CTNNBIP1: variants seen among roughly 807,000 people sequenced by gnomAD.
The protein encoded by CTNNBIP1 is catenin beta interacting protein 1.
CTNNBIP1 carries 7 observed loss-of-function variants against 11.8 expected under a neutral mutation model. The ratio of observed to expected loss-of-function variants is 0.60; its 90% CI spans 0.34 to 1.12. The LOEUF is 1.12. Among genes scored for constraint, CTNNBIP1 ranks in the 50% most tolerant of loss-of-function variants. The pLI, the probability that CTNNBIP1 is intolerant of heterozygous loss-of-function variation, is 0.03. For missense variants in CTNNBIP1, 101 were observed against 113.4 expected, an observed-to-expected ratio of 0.89 and a Z score of 0.50; for synonymous variants, 58 against 43.9, an observed-to-expected ratio of 1.32 and a Z score of -1.26.
Position 9,878,522 on chromosome 1 carries a change from C to T in CTNNBIP1, c.-109-533G>A, listed in dbSNP as rs186083759. Among the ~76,000 whole-genome samples, 214 of 152,352 alleles carry T rather than the reference C, an allele frequency of 1.4e-3. 1 individual carries two copies. Among genetic ancestry groups the T allele is most frequent in the Non-Finnish European group, 2.4e-3 (160 of 68,028 alleles). On this transcript the variant is annotated intron_variant, in intron 2 of 5. Transcript: ENST00000377263. ...TCAACTAACACACATGCTAGAAACA[C>T]ACGAAAAGCACAGTCGCAGCTTGTT...
chr1:9,890,377 G>C (rs944518482), intron 1 of CTNNBIP1, among the ~76,000 whole-genome samples: 1 of 152,154 alleles, frequency 6.6e-6, no homozygotes, highest in African/African-American at 2.4e-5. Flanking sequence ...CTGCACAGTG[G>C]GGGGACAAGG....
intron 1 of CTNNBIP1, among the ~76,000 whole-genome samples, chr1:9,891,781 A>ATTTT (rs70998316): frequency 2.5e-4 from 20 of 81,410 alleles, no homozygotes; most frequent in Non-Finnish European, 3.8e-4. Flanking sequence ...ATCTCTTTAA[A>ATTTT]TTTTTTTTTT....
At chr1:9,855,273 T>G (rs922104132) in intron 5 of CTNNBIP1, among the ~76,000 whole-genome samples, 44 of 150,072 alleles carry the variant, frequency 2.9e-4, no homozygotes, top group African/African-American at 1.0e-3. Context: ...TTTTTTTTTT[T>G]GTAGAAATTG....
At chr1:9,861,311 G>C (rs1224432727) in intron 5 of CTNNBIP1, among the ~76,000 whole-genome samples, 1 of 152,216 alleles carries the variant, frequency 6.6e-6, no homozygotes, top group Non-Finnish European at 1.5e-5. Flanking sequence ...TTCTGAAGGG[G>C]ACAAAACTCA....
At chr1:9,909,945 C>G (rs1317450218) in intron 1 of CTNNBIP1, 150 bp downstream of exon 1, 1 of 151,842 alleles carries the variant, frequency 6.6e-6, no homozygotes, top group Non-Finnish European at 1.5e-5. Context: ...CAGGGCGCCG[C>G]GCCGCTGGGG....
At chr1:9,899,752 C>T (rs1341812068) in intron 1 of CTNNBIP1, among the ~76,000 whole-genome samples, 1 of 146,698 alleles carries the variant, frequency 6.8e-6, no homozygotes, top group Non-Finnish European at 1.5e-5. Context: ...AGCAAGGCTC[C>T]GTCTCAAAAA....
At chr1:9,855,778 A>G (rs1046214078) in intron 5 of CTNNBIP1, among the ~76,000 whole-genome samples, 25 of 147,034 alleles carry the variant, frequency 1.7e-4, no homozygotes, top group Middle Eastern at 3.2e-3. Flanking sequence ...CGCAGGCTAG[A>G]GTGCAGTGGT....
At chr1:9,858,153 C>T (rs1162123938) in intron 5 of CTNNBIP1, among the ~76,000 whole-genome samples, 1 of 152,174 alleles carries the variant, frequency 6.6e-6, no homozygotes, top group Non-Finnish European at 1.5e-5. Flanking sequence ...CCACTTCTGC[C>T]ACCACCACCC....
In CTNNBIP1 at chr1:9,850,743, G is replaced by A. The variant is rs781187269; in HGVS notation, c.221C>T (p.Ser74Leu). 3.7e-6 allele frequency: 6 copies of A among 1,613,886 alleles called. No individual in the cohort carries two copies. The highest frequency in any genetic ancestry group is 3.4e-6 in the Non-Finnish European group (4 of 1,179,862). ...CTACTGCCTCCGGTCTTCCGTCTCCGACCTGGAAAACGCCATCACCACGTC... is the reference window on the plus strand; with the variant it reads ...CTACTGCCTCCGGTCTTCCGTCTCCAACCTGGAAAACGCCATCACCACGTC... ...AEDVVMAFSR[S>L]ETEDRRQ The change falls in exon 6 of 6, where the codon TCG becomes TTG. Residue 74 changes from serine (S) to leucine (L), a missense_variant. Transcript: ENST00000377263.
chr1:9,898,459 G>C (rs548626291), intron 1 of CTNNBIP1, among the ~76,000 whole-genome samples: 1 of 152,306 alleles, frequency 6.6e-6, no homozygotes, highest in East Asian at 1.9e-4. Context: ...GGGAGTCGGA[G>C]GTTGCAGTGA....
chr1:9,857,555 CT>C (rs1198034405), intron 5 of CTNNBIP1, among the ~76,000 whole-genome samples: 3 of 151,530 alleles, frequency 2.0e-5, no homozygotes, highest in African/African-American at 7.3e-5. Context: ...TTTGTCTGCA[CT>C]TTGGGAGGCC....
chr1:9,858,923 T>C (rs1304849911), intron 5 of CTNNBIP1, among the ~76,000 whole-genome samples: 1 of 152,020 alleles, frequency 6.6e-6, no homozygotes, highest in African/African-American at 2.4e-5. Context: ...ACCACAGACC[T>C]CTCCAGTCAC....
Position 9,872,160 on chromosome 1 carries a change from G to A in CTNNBIP1, c.-24-72C>T. 1.1e-6 allele frequency: 1 copy of A among 925,420 alleles called. No individual in the cohort carries two copies. Among genetic ancestry groups the A allele is most frequent in the Non-Finnish European group, 1.7e-6 (1 of 577,248 alleles). 57.3% of individuals were successfully genotyped at this position (925,420 alleles called of 1,614,324 possible). On this transcript the variant is annotated intron_variant, in intron 3 of 5. Coordinates refer to ENST00000377263, the MANE Select transcript of CTNNBIP1 (RefSeq NM_020248.3). The surrounding 1 kb of genome is among the most constrained non-coding windows in gnomAD (Gnocchi z 4.0). ...CATACTGGGACAATGACACCTGCTA[G>A]TGACCCTCACTCCTCCCAGGAGCCG...
chr1:9,908,072 C>T (rs1286848174), intron 1 of CTNNBIP1, among the ~76,000 whole-genome samples: 1 of 152,172 alleles, frequency 6.6e-6, no homozygotes, highest in African/African-American at 2.4e-5. Flanking sequence ...TCTCCACCCC[C>T]GCCCAAGACG....
chr1:9,891,078 A>G (rs1316809397), intron 1 of CTNNBIP1, among the ~76,000 whole-genome samples: 1 of 151,992 alleles, frequency 6.6e-6, no homozygotes, highest in African/African-American at 2.4e-5. Context: ...TCACAGCTTA[A>G]AATTTTAATT....
intron 1 of CTNNBIP1, among the ~76,000 whole-genome samples, chr1:9,897,367 T>C (rs958455102): frequency 3.9e-5 from 6 of 152,042 alleles, no homozygotes; most frequent in African/African-American, 1.4e-4. Flanking sequence ...GGCAGGACAA[T>C]GGCATGAGCC....
rs148684587 is a variant in CTNNBIP1 at position 9,856,149 on chromosome 1, A to G, written c.188-5373T>C. On this transcript the variant is annotated intron_variant, in intron 5 of 5. Transcript: ENST00000377263. The stretch of plus-strand genomic sequence containing the variant: ...GGCGACAGAGTGAGACTCTGTCTCA[A>G]AAAAAAAATAAGAAATAAATAAATA... 1.9e-4 allele frequency among the ~76,000 whole-genome samples: 28 copies of G among 151,154 alleles called. No homozygotes were observed. In the East Asian group the frequency reaches 5.4e-3, roughly 29 times the overall value.
At position 9,851,476 on chromosome 1, in the gene CTNNBIP1, T is replaced by C. The variant is rs909090618; in HGVS notation, c.188-700A>G. 1.3e-5 allele frequency among the ~76,000 whole-genome samples: 2 copies of C among 152,126 alleles called. No homozygotes were observed. Among genetic ancestry groups the C allele is most frequent in the African/African-American group, 4.8e-5 (2 of 41,422 alleles). On this transcript the variant is annotated intron_variant, in intron 5 of 5. Transcript: ENST00000377263. The surrounding 1 kb of genome is among the most constrained non-coding windows in gnomAD (Gnocchi z 4.8). Reference sequence around the variant, plus strand: ...TCCTCTGCCTCCCGGGTTCAAGCGATCCTCCTGCCTCAGCCTCCTGAGTAG... The same window carrying C: ...TCCTCTGCCTCCCGGGTTCAAGCGACCCTCCTGCCTCAGCCTCCTGAGTAG...
At chr1:9,902,429 A>G (rs1193545774) in intron 1 of CTNNBIP1, among the ~76,000 whole-genome samples, 2 of 152,214 alleles carry the variant, frequency 1.3e-5, no homozygotes, top group Non-Finnish European at 2.9e-5. Flanking sequence ...TAAGGCTTTA[A>G]GTGGGAAGGG....
Sources: gnomAD v4.1 joint callset for allele counts (sites outside exome capture counted in the v4.1 genomes callset) on GRCh38, gnomAD v4.1.1 for gene constraint, Gnocchi (gnomAD v3.1) non-coding constraint, MANE v1.5 for transcripts, NCBI Gene and HGNC (gene_info 2026-07-23, HGNC 2026-07-21) for gene names.